The following ERP44 variants were observed in gnomAD, a reference collection of about 807,000 sequenced individuals.
ERP44 encodes endoplasmic reticulum resident protein 44.
ERP44 carries 25 observed loss-of-function variants against 53.4 expected under a neutral mutation model. The ratio of observed to expected loss-of-function variants is 0.47; its 90% CI spans 0.34 to 0.65. The LOEUF is 0.65. Among genes scored for constraint, ERP44 ranks in the 30% least tolerant of loss-of-function variants. The probability of loss-of-function intolerance (pLI) is 0.01; values close to 1 mark genes in which losing one functional copy is unlikely to be tolerated. For synonymous variants in ERP44, 145 were observed against 161.2 expected, an observed-to-expected ratio of 0.90 and a Z score of 0.76; for missense variants, 338 against 493.2, an observed-to-expected ratio of 0.69 and a Z score of 2.98.
chr9:100,069,975 T>A (rs562405188), intron 1 of ERP44, among the ~76,000 whole-genome samples: 6 of 152,360 alleles, frequency 3.9e-5, no homozygotes, highest in East Asian at 3.8e-4. Context: ...TCAAAGAGTA[T>A]ATTTTTGTTA....
chr9:100,049,401 CAAAT>C (rs1826012689), intron 4 of ERP44, among the ~76,000 whole-genome samples: 3 of 152,004 alleles, frequency 2.0e-5, no homozygotes, highest in Admixed American at 2.0e-4. Flanking sequence ...CTGTCGCAAA[CAAAT>C]AAATAAACAA....
intron 10 of ERP44, among the ~76,000 whole-genome samples, chr9:99,991,888 C>A (rs1830260555): frequency 6.6e-6 from 1 of 152,160 alleles, no homozygotes; most frequent in Admixed American, 6.5e-5. Flanking sequence ...ACTATAAACA[C>A]CTCTATGCAA....
At chr9:100,081,177 A>C (rs1043494059) in intron 1 of ERP44, among the ~76,000 whole-genome samples, 2 of 152,108 alleles carry the variant, frequency 1.3e-5, no homozygotes, top group Admixed American at 6.5e-5. Flanking sequence ...TGAAAACAAG[A>C]GATATACCTA....
intron 1 of ERP44, among the ~76,000 whole-genome samples, chr9:100,088,122 C>T (rs993566908): frequency 1.3e-5 from 2 of 152,060 alleles, no homozygotes; most frequent in Non-Finnish European, 2.9e-5. Flanking sequence ...ATATCAGCCA[C>T]CCAGTTAGGA....
At chr9:100,056,250 T>A (rs1056284005) in intron 3 of ERP44, among the ~76,000 whole-genome samples, 1 of 152,198 alleles carries the variant, frequency 6.6e-6, no homozygotes, top group African/African-American at 2.4e-5. Context: ...TTCTACCAAA[T>A]TTTTTGGCTA....
intron 4 of ERP44, among the ~76,000 whole-genome samples, chr9:100,045,291 C>A (rs1015496478): frequency 1.3e-5 from 2 of 152,172 alleles, no homozygotes; most frequent in Non-Finnish European, 2.9e-5. Flanking sequence ...CCTATCCCTG[C>A]AGACTAAGTC....
intron 6 of ERP44, among the ~76,000 whole-genome samples, 176 bp downstream of exon 6, chr9:100,020,440 A>G (rs1830575577): frequency 1.3e-5 from 2 of 152,216 alleles, no homozygotes; most frequent in African/African-American, 4.8e-5. Flanking sequence ...CAGAAAGAAA[A>G]ACAGACTTTT....
intron 7 of ERP44, among the ~76,000 whole-genome samples, chr9:100,017,015 C>T (rs1830531834): frequency 6.6e-6 from 1 of 152,060 alleles, no homozygotes; most frequent in Admixed American, 6.5e-5. Context: ...GAAATTTCTT[C>T]TTTTAGAAGA....
In ERP44 at chr9:100,006,565, A is replaced by G; in HGVS notation, c.957T>C (p.Pro319=). 1 of 1,611,130 alleles carries G rather than the reference A, an allele frequency of 6.2e-7. No homozygotes were observed. Among genetic ancestry groups the G allele is most frequent in the Non-Finnish European group, 8.5e-7 (1 of 1,177,972 alleles). Residue 319 remains proline (P), a synonymous_variant, in exon 10 of 12, where the codon CCT becomes CCC. Coordinates refer to ENST00000262455, the MANE Select transcript of ERP44 (RefSeq NM_015051.3). ...GCCTAAAGCTGTCAATAGCGATTAC[A>G]GGACAATCTGCTGGAGTTTTCTGTA... ...LHIQKTPADC[P]VIAIDSFRHM... is the part of the protein sequence containing the mutation.
intron 10 of ERP44, among the ~76,000 whole-genome samples, chr9:99,990,068 G>C (rs1319596105): frequency 1.3e-5 from 2 of 152,214 alleles, no homozygotes; most frequent in Non-Finnish European, 2.9e-5. Flanking sequence ...GTGATGGGGA[G>C]AATGGAACCA....
rs74975128 is a variant in ERP44, at chr9:100,065,522, T to C, written c.58-5350A>G. Among the ~76,000 whole-genome samples the C allele has an allele frequency of 3.7e-4, 56 of 152,346 alleles. No homozygotes were observed. The East Asian group carries it at 0.01, about 27-fold the overall frequency. On this transcript the variant is annotated intron_variant, in intron 1 of 11. Coordinates refer to ENST00000262455, the MANE Select transcript of ERP44 (RefSeq NM_015051.3). ...TAAGTATGTGAGGTGACAGATATGG[T>C]AATTAGCTTCATGTAATCATTTAAC...
chr9:100,048,490 T>A (rs1826001229), intron 4 of ERP44, among the ~76,000 whole-genome samples: 1 of 152,082 alleles, frequency 6.6e-6, no homozygotes, highest in African/African-American at 2.4e-5. Context: ...AACTACCATA[T>A]GATCTAGCAA....
At chr9:100,095,960 C>A (rs563460850) in intron 1 of ERP44, among the ~76,000 whole-genome samples, 1 of 152,158 alleles carries the variant, frequency 6.6e-6, no homozygotes, top group African/African-American at 2.4e-5. Flanking sequence ...CTAAACTAAG[C>A]AAACTTTTCT....
intron 4 of ERP44, among the ~76,000 whole-genome samples, chr9:100,030,552 A>C (rs1382726678): frequency 6.6e-6 from 1 of 152,180 alleles, no homozygotes; most frequent in Non-Finnish European, 1.5e-5. Flanking sequence ...TACTTCCTAA[A>C]ATTTAGGGAG....
At chr9:100,059,251 C>T (rs1166573342) in intron 2 of ERP44, among the ~76,000 whole-genome samples, 1 of 152,204 alleles carries the variant, frequency 6.6e-6, no homozygotes, top group Non-Finnish European at 1.5e-5. Flanking sequence ...GCACACTGTA[C>T]ATTTTCTTAA....
At chr9:99,984,231 T>C (rs1440984259) in intron 11 of ERP44, among the ~76,000 whole-genome samples, 1 of 152,162 alleles carries the variant, frequency 6.6e-6, no homozygotes, top group Non-Finnish European at 1.5e-5. Flanking sequence ...AAATAATGGA[T>C]TTAAGTTCTG....
At chr9:100,087,832 C>T (rs1364389684) in intron 1 of ERP44, among the ~76,000 whole-genome samples, 1 of 152,004 alleles carries the variant, frequency 6.6e-6, no homozygotes, top group Non-Finnish European at 1.5e-5. Flanking sequence ...ATTAAAAATC[C>T]ATACGCATAT....
At chr9:100,012,725 TAAAGA>T (rs1301518737) in intron 8 of ERP44, among the ~76,000 whole-genome samples, 2 of 152,150 alleles carry the variant, frequency 1.3e-5, no homozygotes, top group Non-Finnish European at 2.9e-5. Context: ...AAAAGTCTTT[TAAAGA>T]GTTTTTAAAT....
At chr9:100,038,449 G>A (rs762718901) in intron 4 of ERP44, among the ~76,000 whole-genome samples, 10 of 151,992 alleles carry the variant, frequency 6.6e-5, no homozygotes, top group African/African-American at 2.4e-4. Context: ...TGAGTTATAC[G>A]ATAGTATCTG....
Sources: gnomAD v4.1 joint callset for allele counts (sites outside exome capture counted in the v4.1 genomes callset) on GRCh38, gnomAD v4.1.1 for gene constraint, MANE v1.5 for transcripts, NCBI Gene and HGNC (gene_info 2026-07-23, HGNC 2026-07-21) for gene names.